MDGA2: variants seen among roughly 807,000 people sequenced by gnomAD.
The protein encoded by MDGA2 is MAM domain-containing glycosylphosphatidylinositol anchor protein 2.
In MDGA2, 40 loss-of-function variants were observed where a neutral mutation model predicts 117.8. The ratio of observed to expected loss-of-function variants is 0.34; its 90% confidence interval spans 0.26 to 0.44. The LOEUF (loss-of-function observed/expected upper bound fraction) is 0.44. Ranked by LOEUF, MDGA2 falls within the 20% of genes least tolerant of loss-of-function variation. The probability of loss-of-function intolerance (pLI) is 1.00; values close to 1 mark genes in which losing one functional copy is unlikely to be tolerated. For missense variants in MDGA2, 1,123 were observed against 1,250.6 expected (o/e 0.90, Z 1.54); for synonymous variants, 452 against 439.0 (o/e 1.03, Z -0.37).
rs189497465 is a variant in MDGA2 at position 47,025,585 on chromosome 14, T to G, written c.1819+9426A>C. Among the ~76,000 whole-genome samples the G allele has an allele frequency of 2.8e-4, 42 of 152,156 alleles. 1 individual carries two copies. The highest frequency in any genetic ancestry group is 8.7e-4 in the African/African-American group (36 of 41,520). On this transcript the variant is annotated intron_variant, in intron 8 of 16. Transcript: ENST00000399232. The stretch of plus-strand genomic sequence containing the variant: ...TGCCAGTCAGGGACATTTGGCAATG[T>G]CTGGAGACAGTTTTTATTGTCATGA...
At chr14:46,844,908 C>T (rs1880765670) in intron 16 of MDGA2, among the ~76,000 whole-genome samples, 1 of 151,842 alleles carries the variant, frequency 6.6e-6, no homozygotes, top group Non-Finnish European at 1.5e-5. Context: ...TTGAGACAGA[C>T]TCTTGCTCTG....
At chr14:47,056,059 T>C (rs1177042591) in intron 7 of MDGA2, among the ~76,000 whole-genome samples, 15 of 152,168 alleles carry the variant, frequency 9.9e-5, no homozygotes, top group Admixed American at 9.8e-4. Context: ...GGGTATTTTA[T>C]GTGATAGTCT....
intron 1 of MDGA2, among the ~76,000 whole-genome samples, chr14:47,384,643 T>A (rs910725376): frequency 3.3e-5 from 5 of 152,096 alleles, no homozygotes; most frequent in African/African-American, 1.2e-4. Flanking sequence ...TACCACATAC[T>A]GCCATCCAAA....
At chr14:47,178,339 C>T (rs191474269) in intron 3 of MDGA2, among the ~76,000 whole-genome samples, 1 of 152,076 alleles carries the variant, frequency 6.6e-6, no homozygotes, top group Non-Finnish European at 1.5e-5. Context: ...TCTACTCGGT[C>T]GAGGGCCACA....
At chr14:47,544,520 G>C (rs1044307491) in intron 1 of MDGA2, among the ~76,000 whole-genome samples, 4 of 152,114 alleles carry the variant, frequency 2.6e-5, no homozygotes, top group Non-Finnish European at 5.9e-5. Context: ...CAGCAAAGAT[G>C]CTTCCTCGTA....
At chr14:47,551,777 C>A (rs1056987924) in intron 1 of MDGA2, among the ~76,000 whole-genome samples, 1 of 152,068 alleles carries the variant, frequency 6.6e-6, no homozygotes, top group African/African-American at 2.4e-5. Flanking sequence ...GAATTTGTAG[C>A]CATATTTAAG....
intron 1 of MDGA2, among the ~76,000 whole-genome samples, chr14:47,659,107 T>G (rs1468463302): frequency 1.3e-5 from 2 of 152,212 alleles, no homozygotes; most frequent in Non-Finnish European, 2.9e-5. Flanking sequence ...TTAATCCTCA[T>G]GACATGAAAT....
Position 47,272,355 on chromosome 14 carries a change from C to A in MDGA2, c.420+29056G>T, listed in dbSNP as rs75404132. ...TGAAGGTTTCATTGTGGGTGAATGG[C>A]CAAGCTATCTCTGATACCAGTTATG... is the stretch of plus-strand genomic sequence containing the variant. On this transcript the variant is annotated intron_variant, in intron 2 of 16. Transcript: ENST00000399232. 2.5e-3 allele frequency among the ~76,000 whole-genome samples: 380 copies of A among 152,122 alleles called. 13 individuals are homozygous for A. The East Asian group carries it at 0.061, about 25-fold the overall frequency.
At chr14:47,087,502 T>C (rs1460270942) in intron 6 of MDGA2, among the ~76,000 whole-genome samples, 7 of 147,042 alleles carry the variant, frequency 4.8e-5, no homozygotes, top group Admixed American at 4.1e-4. Flanking sequence ...GATGGTTAGA[T>C]GGTTAGAGCA....
intron 9 of MDGA2, among the ~76,000 whole-genome samples, chr14:46,926,496 A>G (rs532219935): frequency 6.6e-6 from 1 of 152,252 alleles, no homozygotes; most frequent in Admixed American, 6.5e-5. Context: ...ACGATTTGAG[A>G]ATCAAAGTCA....
chr14:47,324,419 G>C (rs1179440173), intron 1 of MDGA2, among the ~76,000 whole-genome samples: 2 of 152,098 alleles, frequency 1.3e-5, no homozygotes, highest in Non-Finnish European at 2.9e-5. Flanking sequence ...GATTAATCAG[G>C]CTGAAAATAT....
intron 15 of MDGA2, among the ~76,000 whole-genome samples, chr14:46,847,185 C>A (rs533750727): frequency 6.6e-6 from 1 of 152,060 alleles, no homozygotes; most frequent in African/African-American, 2.4e-5. Flanking sequence ...TGTATTGAGA[C>A]CCTGTCCTTC....
intron 3 of MDGA2, among the ~76,000 whole-genome samples, chr14:47,198,327 C>T (rs1464386428): frequency 2.0e-5 from 3 of 152,134 alleles, no homozygotes; most frequent in Non-Finnish European, 4.4e-5. Context: ...AATCCCAGCA[C>T]TTTGGGAGGC....
At chr14:47,199,180 T>A (rs1885399283) in intron 3 of MDGA2, among the ~76,000 whole-genome samples, 1 of 151,886 alleles carries the variant, frequency 6.6e-6, no homozygotes, top group Non-Finnish European at 1.5e-5. Flanking sequence ...AATCTCCTCC[T>A]CTGTCCCTCT....
intron 1 of MDGA2, among the ~76,000 whole-genome samples, chr14:47,529,784 T>C (rs1224839485): frequency 1.3e-5 from 2 of 152,230 alleles, no homozygotes; most frequent in African/African-American, 4.8e-5. Flanking sequence ...CTAAATGCCG[T>C]TATGCATGTC....
intron 8 of MDGA2, among the ~76,000 whole-genome samples, chr14:46,967,929 A>G (rs1365355461): frequency 6.6e-6 from 1 of 152,210 alleles, no homozygotes; most frequent in Non-Finnish European, 1.5e-5. Flanking sequence ...ATAATAAGGA[A>G]AGAAGCTGCA....
intron 2 of MDGA2, among the ~76,000 whole-genome samples, chr14:47,277,263 G>A (rs1275132230): frequency 6.6e-6 from 1 of 152,114 alleles, no homozygotes; most frequent in Non-Finnish European, 1.5e-5. Context: ...CTGTTTCCAG[G>A]AAACCTGACC....
chr14:47,061,154 G>A, intron 7 of MDGA2, 95 bp downstream of exon 7: 1 of 1,208,102 alleles, frequency 8.3e-7, no homozygotes, highest in Admixed American at 2.3e-5. Context: ...AACTTAAAAG[G>A]GAAAAAATAT....
chr14:46,942,565 C>T (rs1885037266), intron 9 of MDGA2, among the ~76,000 whole-genome samples: 1 of 152,224 alleles, frequency 6.6e-6, no homozygotes, highest in South Asian at 2.1e-4. Context: ...AATTAGTCAC[C>T]TCCACCCTTG....
Sources: allele counts gnomAD v4.1 joint callset (sites outside exome capture counted in the v4.1 genomes callset), GRCh38; gene constraint gnomAD v4.1.1; transcripts MANE v1.5; gene names NCBI Gene and HGNC (gene_info 2026-07-23, HGNC 2026-07-21).